ARHGAP24: variants seen among roughly 807,000 people sequenced by gnomAD.
The protein encoded by ARHGAP24 is Rho GTPase activating protein 24.
ARHGAP24 carries 50 observed loss-of-function variants against 76.4 expected under a neutral mutation model. The observed-to-expected ratio is 0.65, with a 90% CI of 0.52 to 0.83. The LOEUF (loss-of-function observed/expected upper bound fraction) is 0.83, where lower values mean the gene tolerates loss of function less well. ARHGAP24 is among the 40% of genes least tolerant of loss of function. The probability of loss-of-function intolerance (pLI) is 0.00; values close to 1 mark genes in which losing one functional copy is unlikely to be tolerated. For missense variants in ARHGAP24, 930 were observed against 914.2 expected (o/e 1.02, Z -0.22); for synonymous variants, 345 against 323.3 (o/e 1.07, Z -0.72).
At chr4:85,505,277 T>C (rs531066589) in intron 1 of ARHGAP24, among the ~76,000 whole-genome samples, 6 of 152,174 alleles carry the variant, frequency 3.9e-5, no homozygotes. Flanking sequence ...TGCCTTGCTA[T>C]ATTGGGGAAG....
chr4:85,579,726 CTT>C, intron 2 of ARHGAP24, among the ~76,000 whole-genome samples: 1 of 151,988 alleles, frequency 6.6e-6, no homozygotes, highest in East Asian at 1.9e-4. Context: ...TGAAATTTGG[CTT>C]TTTTCTTTTA....
rs1560775155 is a variant in ARHGAP24, at chr4:85,995,549, C to T, written c.1895C>T (p.Thr632Ile). 1 of 1,611,646 alleles carries T rather than the reference C, an allele frequency of 6.2e-7. No individual in the cohort carries two copies. Among genetic ancestry groups the T allele is most frequent in the Non-Finnish European group, 8.5e-7 (1 of 1,178,520 alleles). ...ACCAGTAGCAGTGACAACAGTGAGA[C>T]ATTTGTGGGCAACAGCAGCAGCAAC... Reference protein sequence around the residue: ...RATSSSDNSETFVGNSSSNHS... With the variant: ...RATSSSDNSEIFVGNSSSNHS... Residue 632 changes from threonine to isoleucine, a missense_variant, in exon 9 of 10, where the codon ACA becomes ATA. Thr to Ile is a moderately conservative substitution (Grantham distance 89). Coordinates refer to ENST00000395184, the MANE Select transcript of ARHGAP24 (RefSeq NM_001025616.3).
At chr4:85,916,220 G>A (rs189293862) in intron 3 of ARHGAP24, among the ~76,000 whole-genome samples, 145 of 151,312 alleles carry the variant, frequency 9.6e-4, no homozygotes, top group Non-Finnish European at 7.1e-4. Flanking sequence ...GTCTTCTTTT[G>A]AGAAGTGTCT....
At chr4:85,740,699 C>A (rs1725790857) in intron 3 of ARHGAP24, among the ~76,000 whole-genome samples, 1 of 152,170 alleles carries the variant, frequency 6.6e-6, no homozygotes, top group Non-Finnish European at 1.5e-5. Flanking sequence ...CTCTTCTCGT[C>A]CTTCTTTCCT....
At chr4:85,885,873 A>G (rs917146724) in intron 3 of ARHGAP24, among the ~76,000 whole-genome samples, 1 of 152,148 alleles carries the variant, frequency 6.6e-6, no homozygotes, top group African/African-American at 2.4e-5. Flanking sequence ...ATTATCTTTT[A>G]TAACTATGAG....
At chr4:85,959,545 T>C (rs1269793805) in intron 5 of ARHGAP24, among the ~76,000 whole-genome samples, 3 of 152,208 alleles carry the variant, frequency 2.0e-5, no homozygotes, top group African/African-American at 7.2e-5. Context: ...TTTTTCCCTT[T>C]TATTGAAGAG....
intron 3 of ARHGAP24, among the ~76,000 whole-genome samples, chr4:85,876,574 T>C (rs1396010949): frequency 6.6e-6 from 1 of 152,210 alleles, no homozygotes; most frequent in Admixed American, 6.5e-5. Context: ...GACTTGACCA[T>C]CTGACATATG....
chr4:85,538,448 C>T (rs1725557481), intron 1 of ARHGAP24, among the ~76,000 whole-genome samples: 1 of 152,056 alleles, frequency 6.6e-6, no homozygotes, highest in Non-Finnish European at 1.5e-5. Flanking sequence ...GGGGTTCAAC[C>T]TCATCAGTAA....
At chr4:85,807,099 TTTAA>T (rs1728822560) in intron 3 of ARHGAP24, among the ~76,000 whole-genome samples, 2 of 152,318 alleles carry the variant, frequency 1.3e-5, no homozygotes, top group East Asian at 3.9e-4. Context: ...TTTTTTCTTT[TTTAA>T]TTAATTTTTT....
At chr4:85,956,532 G>A (rs958934760) in intron 5 of ARHGAP24, among the ~76,000 whole-genome samples, 17 of 152,052 alleles carry the variant, frequency 1.1e-4, no homozygotes, top group African/African-American at 4.1e-4. Flanking sequence ...TTGGCCTCAC[G>A]GATTCCAAGG....
intron 1 of ARHGAP24, among the ~76,000 whole-genome samples, chr4:85,488,402 G>A (rs1045973247): frequency 2.6e-5 from 4 of 152,098 alleles, no homozygotes; most frequent in African/African-American, 9.7e-5. Context: ...TTACTATCTA[G>A]CTAGGCCTCC....
intron 3 of ARHGAP24, among the ~76,000 whole-genome samples, chr4:85,916,505 T>TA (rs749786381): frequency 3.7e-4 from 57 of 152,186 alleles, no homozygotes; most frequent in Middle Eastern, 6.8e-3. Flanking sequence ...AAGTAATACT[T>TA]AAAAAAATAA....
At chr4:85,971,538 A>G (rs1364762481) in intron 5 of ARHGAP24, among the ~76,000 whole-genome samples, 2 of 152,132 alleles carry the variant, frequency 1.3e-5, no homozygotes, top group African/African-American at 4.8e-5. Flanking sequence ...ATATTGTGGT[A>G]CAGGCCTACA....
chr4:85,507,290 T>A (rs1405760422), intron 1 of ARHGAP24, among the ~76,000 whole-genome samples: 1 of 152,146 alleles, frequency 6.6e-6, no homozygotes, highest in Non-Finnish European at 1.5e-5. Context: ...GGTGCGATCA[T>A]GGCTCACTGT....
At chr4:85,954,908 G>A (rs1385875131) in intron 5 of ARHGAP24, among the ~76,000 whole-genome samples, 2 of 152,218 alleles carry the variant, frequency 1.3e-5, no homozygotes, top group Non-Finnish European at 2.9e-5. Context: ...TCCTCAGGAG[G>A]CTGAGGCAGG....
At chr4:85,565,261 A>G (rs1726794979) in intron 1 of ARHGAP24, among the ~76,000 whole-genome samples, 1 of 152,144 alleles carries the variant, frequency 6.6e-6, no homozygotes, top group African/African-American at 2.4e-5. Flanking sequence ...TATACTGTGT[A>G]CAGTGGAATC....
intron 2 of ARHGAP24, among the ~76,000 whole-genome samples, chr4:85,590,560 A>C (rs933309477): frequency 6.6e-6 from 1 of 151,768 alleles, no homozygotes; most frequent in African/African-American, 2.4e-5. Context: ...GGGTTTCACC[A>C]TGTTGGCCAG....
chr4:85,703,521 A>G (rs549390635), intron 2 of ARHGAP24, among the ~76,000 whole-genome samples: 2 of 152,256 alleles, frequency 1.3e-5, no homozygotes, highest in East Asian at 1.9e-4. Flanking sequence ...AGTTGATGAC[A>G]TCATGAGGGT....
At chr4:85,930,524 C>A (rs923764691) in intron 4 of ARHGAP24, 2 of 1,009,330 alleles carry the variant, frequency 2.0e-6, no homozygotes, top group African/African-American at 1.7e-5. Context: ...TATTTGCTGA[C>A]CTTTCCAGAG....
Sources: gnomAD v4.1 joint callset for allele counts (sites outside exome capture counted in the v4.1 genomes callset) on GRCh38, gnomAD v4.1.1 for gene constraint, MANE v1.5 for transcripts, NCBI Gene and HGNC (gene_info 2026-07-23, HGNC 2026-07-21) for gene names.